GPHN: variants seen among roughly 807,000 people sequenced by gnomAD.
GPHN encodes the protein gephyrin.
Under a neutral mutation model 95.5 loss-of-function variants are expected in GPHN, and 17 were observed. The observed-to-expected ratio is 0.18, with a 90% CI of 0.12 to 0.27. The LOEUF (loss-of-function observed/expected upper bound fraction) is 0.27. GPHN is among the 10% of genes least tolerant of loss of function. The pLI is 1.00. For missense variants in GPHN, 660 were observed against 978.1 expected (o/e 0.67, Z 4.34); for synonymous variants, 320 against 322.5 (o/e 0.99, Z 0.08).
chr14:66,785,011 A>T (rs1176022002), intron 3 of GPHN, among the ~76,000 whole-genome samples: 4 of 152,230 alleles, frequency 2.6e-5, no homozygotes, highest in Admixed American at 2.6e-4. Flanking sequence ...ATAAGTAGGT[A>T]GTAAGCAATA....
chr14:67,428,395 A>T, the GPHN span, among the ~76,000 whole-genome samples: 6 of 152,236 alleles, frequency 3.9e-5, no homozygotes, highest in African/African-American at 1.4e-4. Context: ...ATTCACAGCT[A>T]ACACTTAGAG....
At chr14:66,891,674 A>C (rs1222084433) in intron 5 of GPHN, among the ~76,000 whole-genome samples, 2 of 152,182 alleles carry the variant, frequency 1.3e-5, no homozygotes, top group African/African-American at 2.4e-5. Context: ...ATCTTTGTAC[A>C]TTGAACAAAG....
intron 1 of GPHN, among the ~76,000 whole-genome samples, chr14:66,578,589 G>A (rs749639028): frequency 2.2e-5 from 3 of 138,274 alleles, no homozygotes; most frequent in Non-Finnish European, 4.6e-5. Context: ...AATCTCATAC[G>A]AGAGAACTCC....
the GPHN span, among the ~76,000 whole-genome samples, chr14:67,367,093 T>C: frequency 2.0e-5 from 3 of 152,178 alleles, no homozygotes; most frequent in South Asian, 2.1e-4. Flanking sequence ...GGTTTGTCCC[T>C]GAACTACTGA....
At chr14:66,710,523 ATAT>A (rs2069518704) in intron 2 of GPHN, among the ~76,000 whole-genome samples, 1 of 152,128 alleles carries the variant, frequency 6.6e-6, no homozygotes, top group Non-Finnish European at 1.5e-5. Context: ...TAACTCACAA[ATAT>A]TATTTCTCTG....
intron 1 of GPHN, among the ~76,000 whole-genome samples, chr14:66,578,830 C>A (rs2061023759): frequency 6.6e-6 from 1 of 151,560 alleles, no homozygotes; most frequent in Non-Finnish European, 1.5e-5. Flanking sequence ...AAAGGGAATT[C>A]TTTAAGCTGA....
At chr14:67,432,064 T>C in the GPHN span, among the ~76,000 whole-genome samples, 1 of 152,222 alleles carries the variant, frequency 6.6e-6, no homozygotes, top group Non-Finnish European at 1.5e-5. Context: ...TAGTGAGAAG[T>C]GTGTCTCTCC....
chr14:66,693,481 A>G (rs1158173403), intron 2 of GPHN, among the ~76,000 whole-genome samples: 2 of 152,232 alleles, frequency 1.3e-5, no homozygotes, highest in Admixed American at 1.3e-4. Context: ...ATTTATTAGG[A>G]GAATTGACTC....
At chr14:67,595,860 T>G in the GPHN span, among the ~76,000 whole-genome samples, 3 of 152,176 alleles carry the variant, frequency 2.0e-5, no homozygotes, top group South Asian at 6.2e-4. Context: ...CGGAATCAAA[T>G]GAGTCTCCAC....
chr14:66,948,693 C>T (rs978697679), intron 8 of GPHN, among the ~76,000 whole-genome samples: 1 of 152,216 alleles, frequency 6.6e-6, no homozygotes, highest in Non-Finnish European at 1.5e-5. Flanking sequence ...TAGCATATTT[C>T]TATTTCAACA....
chr14:66,726,500 G>A (rs1386483490), intron 2 of GPHN, among the ~76,000 whole-genome samples: 1 of 152,140 alleles, frequency 6.6e-6, no homozygotes, highest in East Asian at 1.9e-4. Flanking sequence ...ATTTGCTAGA[G>A]CAGTCTTCTT....
intron 1 of GPHN, among the ~76,000 whole-genome samples, chr14:66,561,813 A>G (rs536513100): frequency 1.3e-5 from 2 of 152,278 alleles, no homozygotes; most frequent in South Asian, 2.1e-4. Context: ...CAGAGGTCCA[A>G]TACAGGTCTC....
chr14:67,585,573 C>G, the GPHN span: 1 of 1,577,820 alleles, frequency 6.3e-7, no homozygotes, highest in Non-Finnish European at 8.6e-7. Flanking sequence ...CCCAGCCTGC[C>G]CAGCTGTCTT....
chr14:67,035,246 A>G (rs757219567), intron 10 of GPHN, among the ~76,000 whole-genome samples: 1 of 152,010 alleles, frequency 6.6e-6, no homozygotes, highest in African/African-American at 2.4e-5. Context: ...AGCAAAAGCA[A>G]TACTAAGAGA....
the GPHN span, among the ~76,000 whole-genome samples, chr14:67,235,252 CACAAA>C: frequency 6.6e-6 from 1 of 151,904 alleles, no homozygotes; most frequent in Non-Finnish European, 1.5e-5. Context: ...AAATTTTTCA[CACAAA>C]ACAAAAGTGT....
the GPHN span, among the ~76,000 whole-genome samples, chr14:67,568,249 G>A: frequency 1.3e-5 from 2 of 152,182 alleles, no homozygotes; most frequent in African/African-American, 4.8e-5. Flanking sequence ...ATACACCATG[G>A]AATACCGTGC....
At chr14:66,694,238 A>G (rs749319823) in intron 2 of GPHN, among the ~76,000 whole-genome samples, 3 of 152,104 alleles carry the variant, frequency 2.0e-5, no homozygotes, top group Non-Finnish European at 4.4e-5. Flanking sequence ...CCCTACCACC[A>G]TATGCGATTA....
At chr14:66,698,187 T>A (rs1312369432) in intron 2 of GPHN, among the ~76,000 whole-genome samples, 1 of 152,136 alleles carries the variant, frequency 6.6e-6, no homozygotes, top group Non-Finnish European at 1.5e-5. Flanking sequence ...AAAAAATACA[T>A]TTTGAAAAGG....
intron 1 of GPHN, 96 bp downstream of exon 1, chr14:66,508,687 G>T (rs1193013562): frequency 8.9e-7 from 1 of 1,121,704 alleles, no homozygotes; most frequent in African/African-American, 1.5e-5. Flanking sequence ...GGCCTCGGGA[G>T]GAGGGAAGGC....
Sources: gnomAD v4.1 joint callset for allele counts (sites outside exome capture counted in the v4.1 genomes callset) on GRCh38, gnomAD v4.1.1 for gene constraint, MANE v1.5 for transcripts, NCBI Gene and HGNC (gene_info 2026-07-23, HGNC 2026-07-21) for gene names.